The following DYNC1H1 variants were observed in gnomAD, a reference collection of about 807,000 sequenced individuals.
DYNC1H1 encodes dynein cytoplasmic 1 heavy chain 1.
Under a neutral mutation model 527.1 loss-of-function variants are expected in DYNC1H1, and 51 were observed. That is an observed-to-expected ratio of 0.10 (90% CI 0.08 to 0.12). DYNC1H1 has a LOEUF of 0.12. Among genes scored for constraint, DYNC1H1 ranks in the 10% least tolerant of loss-of-function variants. The pLI is 1.00. For missense variants in DYNC1H1, 2,771 were observed against 5,971.8 expected (o/e 0.46, Z 17.66); for synonymous variants, 2,189 against 2,278.8 (o/e 0.96, Z 1.12).
In DYNC1H1 at chr14:101,980,494, A is replaced by G. The variant is rs1193898454; in HGVS notation, c.905A>G (p.Asp302Gly). The G allele has an allele frequency of 1.2e-6, 2 of 1,614,196 alleles. No individual in the cohort carries two copies. Among genetic ancestry groups the G allele is most frequent in the Non-Finnish European group, 1.7e-6 (2 of 1,180,038 alleles). ...RESPEVLLTL[D>G]ILKHGKRFHA... ...AGCCCGGAAGTTCTCCTGACTCTGG[A>G]TATCTTGAAACATGGCAAGCGCTTC... The change falls in exon 5 of 78, where the codon GAT becomes GGT. Residue 302 changes from aspartate to glycine, a missense_variant. By Grantham distance (94) the Asp-to-Gly change is moderately conservative. Transcript: ENST00000360184.
In DYNC1H1 at chr14:102,042,647, C is replaced by T; in HGVS notation, c.12412C>T (p.Leu4138=). The T allele has an allele frequency of 6.2e-7, 1 of 1,614,188 alleles. No individual in the cohort carries two copies. Among genetic ancestry groups the T allele is most frequent in the Non-Finnish European group, 8.5e-7 (1 of 1,180,046 alleles). ...MEINPKVPVN[L]LRAGRIFVFE... ...CGCTCTCCCTTAGGTGCCTGTGAATCTGCTCCGTGCGGGCCGCATCTTTGT... is the reference window on the plus strand; with the variant it reads ...CGCTCTCCCTTAGGTGCCTGTGAATTTGCTCCGTGCGGGCCGCATCTTTGT... Residue 4138 remains leucine, a synonymous_variant, in exon 69 of 78, where the codon CTG becomes TTG. Coordinates refer to ENST00000360184, the MANE Select transcript of DYNC1H1 (RefSeq NM_001376.5). This position sits in a 1 kb window ranked among gnomAD's most constrained non-coding sequence, Gnocchi z 5.7.
intron 52 of DYNC1H1, 112 bp downstream of exon 52, chr14:102,032,579 C>G (rs1286261944): frequency 7.4e-7 from 1 of 1,360,038 alleles, no homozygotes; most frequent in African/African-American, 1.4e-5. Context: ...AGGCCAGGCA[C>G]AGTGGCTCAC....
intron 27 of DYNC1H1, 112 bp from the exon 28 acceptor site, chr14:102,006,896 G>A (rs756645899): frequency 2.2e-5 from 25 of 1,160,940 alleles, no homozygotes; most frequent in Non-Finnish European, 3.0e-5. Flanking sequence ...CACCCTACCT[G>A]GCCACTACTT....
At chr14:102,022,423 A>G (rs1223566383) in intron 42 of DYNC1H1, among the ~76,000 whole-genome samples, 1 of 150,274 alleles carries the variant, frequency 6.7e-6, no homozygotes, top group Non-Finnish European at 1.5e-5. Flanking sequence ...GGAGAATGGT[A>G]TGAACCCGGG....
In DYNC1H1 at chr14:101,972,977, G is replaced by A. The variant is rs149610361; in HGVS notation, c.257-2735G>A. ...ATTTTACAGGTTGTAATCGTGTGTG[G>A]CTGCTTTCAGGCAGTGTGATTTCTC... On this transcript the variant is annotated intron_variant, in intron 1 of 77. Transcript: ENST00000360184. Among the ~76,000 whole-genome samples, 99 of 152,114 alleles carry A rather than the reference G, an allele frequency of 6.5e-4. 1 individual carries two copies. The East Asian group carries it at 0.016, about 24-fold the overall frequency.
intron 43 of DYNC1H1, among the ~76,000 whole-genome samples, chr14:102,025,353 C>A (rs977831802): frequency 1.4e-4 from 21 of 150,354 alleles, no homozygotes; most frequent in African/African-American, 5.1e-4. Flanking sequence ...TGCAGTGAGC[C>A]GAGATCGCGC....
Position 102,020,163 on chromosome 14 carries a change from G to A in DYNC1H1, c.8507+107G>A. 6.8e-7 allele frequency: 1 copy of A among 1,464,026 alleles called. No homozygotes were observed. Among genetic ancestry groups the A allele is most frequent in the Non-Finnish European group, 9.3e-7 (1 of 1,073,518 alleles). The allele number at this position is 1,464,026 out of a possible 1,614,324, so 90.7% of individuals were successfully genotyped here. On this transcript the variant is annotated intron_variant, in intron 42 of 77. Transcript: ENST00000360184. The surrounding 1 kb of genome is among the most constrained non-coding windows in gnomAD (Gnocchi z 4.3). ...GGGTGGTCTGCCTAAGTTAGAGCCA[G>A]GTGGTGCCAGTGGTGGAAGGAGCAG...
chr14:101,970,638 A>C (rs1213719594), intron 1 of DYNC1H1, among the ~76,000 whole-genome samples: 1 of 151,778 alleles, frequency 6.6e-6, no homozygotes. Context: ...ATGTGCCACC[A>C]CGTCTAGCTA....
chr14:101,994,060 A>G, intron 11 of DYNC1H1, 124 bp from the exon 12 acceptor site: 2 of 1,389,548 alleles, frequency 1.4e-6, no homozygotes, highest in Non-Finnish European at 1.0e-6. Context: ...AGTGGATGTT[A>G]TCCCTTAAAT....
At chr14:101,991,758 A>T in intron 11 of DYNC1H1, 85 bp downstream of exon 11, 1 of 1,574,824 alleles carries the variant, frequency 6.3e-7, no homozygotes, top group Non-Finnish European at 8.7e-7. Flanking sequence ...GTGCTTCTTT[A>T]GATAAGCTCT....
rs1342528263 is a variant in DYNC1H1, at chr14:101,965,839, GT to G, written c.256+894del. Among the ~76,000 whole-genome samples, 6 of 151,576 alleles carry G rather than the reference GT, an allele frequency of 4.0e-5. No individual in the cohort carries two copies. Among genetic ancestry groups the G allele is most frequent in the Admixed American group, 3.9e-4 (6 of 15,214 alleles). On this transcript the variant is annotated intron_variant, in intron 1 of 77. Coordinates refer to ENST00000360184, the MANE Select transcript of DYNC1H1 (RefSeq NM_001376.5). This position sits in a 1 kb window ranked among gnomAD's most constrained non-coding sequence, Gnocchi z 4.1. The stretch of plus-strand genomic sequence containing the variant: ...ATTAAAAAAAAAAAAAAAGATTCAG[GT>G]TAGGCACCTAGTAGGGGGAAGAGGC...
intron 55 of DYNC1H1, 27 bp downstream of exon 55, chr14:102,034,215 G>T (rs750887052): frequency 2.5e-6 from 4 of 1,614,208 alleles, no homozygotes; most frequent in Non-Finnish European, 3.4e-6. Context: ...GTTCAAAAAG[G>T]ATGTGCGAGC....
At chr14:102,037,058 C>T (rs571052985) in intron 57 of DYNC1H1, 22 of 280,432 alleles carry the variant, frequency 7.8e-5, no homozygotes, top group Non-Finnish European at 1.3e-4. Context: ...GATCATGCCA[C>T]TGCACTCCAG....
rs1242335322 is a variant in DYNC1H1 at position 102,047,974 on chromosome 14, G to A, written c.13164G>A (p.Leu4388=). 1 of 1,612,598 alleles carries A rather than the reference G, an allele frequency of 6.2e-7. No homozygotes were observed. The highest frequency in any genetic ancestry group is 8.5e-7 in the Non-Finnish European group (1 of 1,180,018). Residue 4388 remains leucine (L), a synonymous_variant, in exon 73 of 78, where the codon CTG becomes CTA. Coordinates refer to ENST00000360184, the MANE Select transcript of DYNC1H1 (RefSeq NM_001376.5). The stretch of plus-strand genomic sequence containing the variant: ...TGCACACCACCGCGTCCAACTGGCT[G>A]CACCTCATCCCCCAGACGCTGAGCC... ...RTLHTTASNW[L]HLIPQTLSHL...
At position 101,988,861 on chromosome 14, in the gene DYNC1H1, T is replaced by C; in HGVS notation, c.2868+9T>C. Reference sequence around the variant, plus strand: ...GAGAGCCAAAGATCAAAGTGAGTGCTTCTGTGGCATTCTATTTACTAATAA... The same window carrying C: ...GAGAGCCAAAGATCAAAGTGAGTGCCTCTGTGGCATTCTATTTACTAATAA... On this transcript the variant is annotated intron_variant, in intron 10 of 77. Transcript: ENST00000360184. The C allele has an allele frequency of 6.2e-7, 1 of 1,614,134 alleles. No individual in the cohort carries two copies. The highest frequency in any genetic ancestry group is 8.5e-7 in the Non-Finnish European group (1 of 1,180,014).
chr14:102,044,135 G>A lies in DYNC1H1; in HGVS notation c.12684+90G>A, dbSNP rs2048686005. The A allele has an allele frequency of 6.3e-7, 1 of 1,589,294 alleles. No individual in the cohort carries two copies. The highest frequency in any genetic ancestry group is 8.5e-7 in the Non-Finnish European group (1 of 1,171,516). ...GTGCTGAGAGGCCAGACTCTGCGTGGAAGAGCGAGCTGACCCCTCGTGACC... is the reference window on the plus strand; with the variant it reads ...GTGCTGAGAGGCCAGACTCTGCGTGAAAGAGCGAGCTGACCCCTCGTGACC... On this transcript the variant is annotated intron_variant, in intron 70 of 77. Transcript: ENST00000360184. This position sits in a 1 kb window ranked among gnomAD's most constrained non-coding sequence, Gnocchi z 7.1.
intron 1 of DYNC1H1, among the ~76,000 whole-genome samples, chr14:101,967,154 G>A (rs1286701256): frequency 6.6e-6 from 1 of 152,054 alleles, no homozygotes; most frequent in Non-Finnish European, 1.5e-5. Context: ...TAGCAGCCTG[G>A]CTACACTAGG....
rs754865373 is a variant in DYNC1H1, at chr14:102,044,309, G to A, written c.12720G>A (p.Trp4240Ter). The stretch of plus-strand genomic sequence containing the variant: ...ACATCTCACCGGATAAGATCCCGTG[G>A]TCTGCACTAAAGACCTTAATGGCCC... Reference protein sequence around the residue: ...RQNISPDKIPWSALKTLMAQS... With the variant: ...RQNISPDKIP Residue 4240 changes from tryptophan to a stop codon, truncating the protein, a stop_gained, in exon 71 of 78, where the codon TGG becomes TGA. Coordinates refer to ENST00000360184, the MANE Select transcript of DYNC1H1 (RefSeq NM_001376.5). LOFTEE classifies it high-confidence loss of function. The surrounding 1 kb of genome is among the most constrained non-coding windows in gnomAD (Gnocchi z 7.1). 6.2e-7 allele frequency: 1 copy of A among 1,614,194 alleles called. No homozygotes were observed. The highest frequency in any genetic ancestry group is 1.1e-5 in the South Asian group (1 of 91,086).
At chr14:101,978,425 A>G (rs17540666) in intron 2 of DYNC1H1, among the ~76,000 whole-genome samples, 3,946 of 152,246 alleles carry the variant, frequency 0.026, 117 homozygotes, top group African/African-American at 0.074. Context: ...TACTCACCTT[A>G]GCCTCCCAAA....
Sources: gnomAD v4.1 joint callset for allele counts (sites outside exome capture counted in the v4.1 genomes callset) on GRCh38, gnomAD v4.1.1 for gene constraint, Gnocchi (gnomAD v3.1) non-coding constraint, MANE v1.5 for transcripts, NCBI Gene and HGNC (gene_info 2026-07-23, HGNC 2026-07-21) for gene names.